POLR3K: variants seen among roughly 807,000 people sequenced by gnomAD.
The protein encoded by POLR3K is DNA-directed RNA polymerase III subunit RPC10.
A neutral mutation model predicts 13.5 loss-of-function variants in POLR3K; 11 were observed. The observed-to-expected ratio is 0.81, with a 90% CI of 0.51 to 1.35. The LOEUF (loss-of-function observed/expected upper bound fraction) is 1.35. Among genes scored for constraint, POLR3K ranks in the 40% most tolerant of loss-of-function variants. The pLI, the probability that POLR3K is intolerant of heterozygous loss-of-function variation, is 0.00. For missense variants in POLR3K, 144 were observed against 145.3 expected (o/e 0.99, Z 0.05); for synonymous variants, 56 against 51.5 (o/e 1.09, Z -0.38).
chr16:51,973 T>A, intron 1 of POLR3K: 1 of 201,680 alleles, frequency 5.0e-6, no homozygotes, highest in South Asian at 7.4e-5. Flanking sequence ...TGAGCCGAGA[T>A]CACACCACTG....
rs1405262208 is a variant in POLR3K at position 46,837 on chromosome 16, G to T, written c.*593C>A. On this transcript the variant is annotated 3_prime_UTR_variant, in exon 3 of 3. Transcript: ENST00000293860. ...TTCAAAAAAATGAATAAGGGAGTAA[G>T]AATAGGAATAAAGAAAGAAATTGAA... The T allele has an allele frequency of 1.3e-5, 2 of 152,066 alleles. No individual in the cohort carries two copies. Among genetic ancestry groups the T allele is most frequent in the Non-Finnish European group, 2.9e-5 (2 of 68,016 alleles). 9.4% of individuals were successfully genotyped at this position (152,066 alleles called of 1,614,324 possible). A position where few individuals can be genotyped will look rare whatever the true frequency, so the allele number is the denominator to read the frequency against.
At chr16:48,845 C>A (rs1235033447) in intron 2 of POLR3K, among the ~76,000 whole-genome samples, 1 of 118,702 alleles carries the variant, frequency 8.4e-6, no homozygotes, top group Non-Finnish European at 2.0e-5. Context: ...AAGGGCGATT[C>A]TGGTGTGGGC....
intron 1 of POLR3K, chr16:53,058 A>C: frequency 5.7e-6 from 1 of 174,980 alleles, no homozygotes; most frequent in Non-Finnish European, 1.2e-5. Context: ...GCAAAGGGCA[A>C]CAGGAAGGGC....
At chr16:51,461 A>G (rs1897329820) in intron 2 of POLR3K, 97 bp downstream of exon 2, 1 of 894,088 alleles carries the variant, frequency 1.1e-6, no homozygotes, top group Admixed American at 2.5e-5. Context: ...TTAGAAACCT[A>G]CATCATTTAT....
Position 53,537 on chromosome 16 carries a change from C to T in POLR3K, c.50G>A (p.Gly17Glu), listed in dbSNP as rs368120637. The change falls in exon 1 of 3, where the codon GGA (glycine) becomes GAA (glutamate). Residue 17 changes from glycine (G) to glutamate (E), a missense_variant. Coordinates refer to ENST00000293860, the MANE Select transcript of POLR3K (RefSeq NM_016310.5). ...GCAGGCGAAGCGGTGGCAGCGTTGT[C>T]CCTCCTCCACGATCAGCCCGTTCCC... is the stretch of plus-strand genomic sequence containing the variant. Reference protein sequence around the residue: ...GCGNGLIVEEGQRCHRFACNT... With the variant: ...GCGNGLIVEEEQRCHRFACNT... The T allele has an allele frequency of 1.2e-6, 2 of 1,613,274 alleles. No individual in the cohort carries two copies. Among genetic ancestry groups the T allele is most frequent in the South Asian group, 1.1e-5 (1 of 91,046 alleles).
rs1301989386 is a variant in POLR3K, at chr16:52,795, A to AAAAAAC, written c.111+680_111+681insGTTTTT. Reference sequence around the variant, plus strand: ...AAAAAAAAAAAAAAAAAAAAAAAAAACAATAAAAAAAAATAAAGAAAGCAC... The same window carrying AAAAAAC: ...AAAAAAAAAAAAAAAAAAAAAAAAAAAAAAACCAATAAAAAAAAATAAAGAAAGCAC... On this transcript the variant is annotated intron_variant, in intron 1 of 2. Transcript: ENST00000293860. Among the ~76,000 whole-genome samples, 13 of 26,840 alleles carry AAAAAAC rather than the reference A, an allele frequency of 4.8e-4. 1 individual carries two copies. Among genetic ancestry groups the AAAAAAC allele is most frequent in the African/African-American group, 1.4e-3 (11 of 7,812 alleles). 17.6% of individuals were successfully genotyped at this position (26,840 alleles called of 152,430 possible).
At chr16:50,966 C>T (rs536011978) in intron 2 of POLR3K, among the ~76,000 whole-genome samples, 1 of 152,298 alleles carries the variant, frequency 6.6e-6, no homozygotes, top group South Asian at 2.1e-4. Flanking sequence ...GCTTATAAAA[C>T]GATCTGATCT....
chr16:52,058 T>C (rs143588725), intron 1 of POLR3K: 1 of 171,382 alleles, frequency 5.8e-6, no homozygotes, highest in African/African-American at 2.4e-5. Context: ...CTTCCCGTAG[T>C]TTCAAACTCC....
intron 2 of POLR3K, 119 bp downstream of exon 2, chr16:51,439 C>G (rs577277442): frequency 1.3e-6 from 1 of 754,102 alleles, no homozygotes; most frequent in East Asian, 2.7e-5. Context: ...ATTCAAGAAC[C>G]ATTTTCTATT....
At chr16:47,849 C>CAAAAAAA in intron 2 of POLR3K, among the ~76,000 whole-genome samples, 1 of 35,154 alleles carries the variant, frequency 2.8e-5, no homozygotes, top group Non-Finnish European at 4.9e-5. Context: ...CCACTGCACT[C>CAAAAAAA]AAAAAAAAAA....
At position 47,576 on chromosome 16, in the gene POLR3K, A is replaced by T; in HGVS notation, c.200-19T>A. ...CACGACTCTGGCAATGAGAAAAAAG[A>T]AGTGACCACATTTAAAAAAAGATGC... is the stretch of plus-strand genomic sequence containing the variant. On this transcript the variant is annotated intron_variant, in intron 2 of 2. Transcript: ENST00000293860. 6.2e-7 allele frequency: 1 copy of T among 1,608,882 alleles called. No homozygotes were observed. Among genetic ancestry groups the T allele is most frequent in the South Asian group, 1.1e-5 (1 of 90,928 alleles).
intron 1 of POLR3K, 29 bp from the exon 2 acceptor site, chr16:51,674 G>A (rs768996713): frequency 2.5e-6 from 4 of 1,578,738 alleles, no homozygotes; most frequent in Middle Eastern, 1.7e-4. Context: ...CAGACTCCAA[G>A]TAACTGAATA....
chr16:51,077 C>T (rs768305688), intron 2 of POLR3K, among the ~76,000 whole-genome samples: 27 of 152,182 alleles, frequency 1.8e-4, no homozygotes, highest in Non-Finnish European at 2.9e-4. Context: ...CTGGGGATTA[C>T]GGAAACTATA....
intron 1 of POLR3K, among the ~76,000 whole-genome samples, chr16:52,404 G>A (rs1318425896): frequency 1.4e-5 from 2 of 140,516 alleles, no homozygotes; most frequent in South Asian, 2.3e-4. Context: ...CCGAGATTAC[G>A]CCATTGCACT....
chr16:49,645 T>G (rs1456943997), intron 2 of POLR3K, among the ~76,000 whole-genome samples: 1 of 150,932 alleles, frequency 6.6e-6, no homozygotes, highest in African/African-American at 2.4e-5. Context: ...AATTTGTTTT[T>G]TTTTTTTTTT....
At chr16:48,148 C>A (rs1331934209) in intron 2 of POLR3K, among the ~76,000 whole-genome samples, 1 of 151,776 alleles carries the variant, frequency 6.6e-6, no homozygotes, top group Admixed American at 6.6e-5. Context: ...CCTCAACCTC[C>A]CAAAGTGCTG....
chr16:53,434 T>C (rs763862669), intron 1 of POLR3K, 42 bp downstream of exon 1: 41 of 1,523,014 alleles, frequency 2.7e-5, no homozygotes, highest in Middle Eastern at 1.7e-4. Flanking sequence ...GCGGAAGGCC[T>C]GCGAGAGTCG....
rs554118213 is a variant in POLR3K at position 48,180 on chromosome 16, G to A, written c.200-623C>T. ...GCTGGGATTACAGGCATGAGCCACC[G>A]TGCCCAGACTACTTAATATCTTTAA... On this transcript the variant is annotated intron_variant, in intron 2 of 2. Coordinates refer to ENST00000293860, the MANE Select transcript of POLR3K (RefSeq NM_016310.5). Among the ~76,000 whole-genome samples the A allele has an allele frequency of 2.3e-3, 355 of 151,812 alleles. 1 individual carries two copies. Among genetic ancestry groups the A allele is most frequent in the Non-Finnish European group, 4.3e-3 (295 of 67,944 alleles).
chr16:47,355 A>T lies in POLR3K; in HGVS notation c.*75T>A. ...CTAGCAAAGACCCTCAGGACACACAACTCATACTGCCAGCTAAGCATCTAC... is the reference window on the plus strand; with the variant it reads ...CTAGCAAAGACCCTCAGGACACACATCTCATACTGCCAGCTAAGCATCTAC... On this transcript the variant is annotated 3_prime_UTR_variant, in exon 3 of 3. Transcript: ENST00000293860. 6.5e-7 allele frequency: 1 copy of T among 1,548,422 alleles called. No homozygotes were observed. The highest frequency in any genetic ancestry group is 8.8e-7 in the Non-Finnish European group (1 of 1,137,596).
Sources: allele counts gnomAD v4.1 joint callset (sites outside exome capture counted in the v4.1 genomes callset), GRCh38; gene constraint gnomAD v4.1.1; transcripts MANE v1.5; gene names NCBI Gene and HGNC (gene_info 2026-07-23, HGNC 2026-07-21).